Variants in THSD7A observed in about 807,000 individuals in gnomAD.
THSD7A encodes the protein thrombospondin type-1 domain-containing protein 7A.
A neutral mutation model predicts 231.3 loss-of-function variants in THSD7A; 96 were observed. The observed-to-expected ratio is 0.41, with a 90% CI of 0.35 to 0.49. The LOEUF is 0.49. THSD7A is among the 20% of genes least tolerant of loss of function. The pLI is 0.05. For missense variants in THSD7A, 2,290 were observed against 2,070.2 expected (o/e 1.11, Z -2.06); for synonymous variants, 940 against 743.3 (o/e 1.26, Z -4.30).
intron 2 of THSD7A, among the ~76,000 whole-genome samples, chr7:11,602,013 A>T (rs889396217): frequency 1.3e-5 from 2 of 152,140 alleles, no homozygotes; most frequent in African/African-American, 4.8e-5. Context: ...TGTTAGAGCA[A>T]CTGCTTTTTT....
chr7:11,497,241 T>G (rs1372378158), intron 6 of THSD7A, among the ~76,000 whole-genome samples: 1 of 152,168 alleles, frequency 6.6e-6, no homozygotes, highest in Admixed American at 6.5e-5. Context: ...ACTGCCCCCA[T>G]GATTCAATTA....
At chr7:11,523,132 T>C (rs1788334589) in intron 6 of THSD7A, among the ~76,000 whole-genome samples, 1 of 152,144 alleles carries the variant, frequency 6.6e-6, no homozygotes, top group South Asian at 2.1e-4. Flanking sequence ...TTCAGTTCTA[T>C]ATTGCTTTTG....
chr7:11,379,199 C>G lies in THSD7A; in HGVS notation c.4672G>C (p.Val1558Leu). 1 of 1,613,506 alleles carries G rather than the reference C, an allele frequency of 6.2e-7. No homozygotes were observed. Among genetic ancestry groups the G allele is most frequent in the Non-Finnish European group, 8.5e-7 (1 of 1,179,572 alleles). Residue 1558 changes from valine (V) to leucine (L), a missense_variant, in exon 26 of 28, where the codon GTG (valine) becomes CTG (leucine). By Grantham distance (32) the Val-to-Leu change is conservative. Coordinates refer to ENST00000423059, the MANE Select transcript of THSD7A (RefSeq NM_015204.3). The stretch of plus-strand genomic sequence containing the variant: ...TCCTCCATGGTGGGTAATACCACCA[C>G]GGGGATAAGTGTGCATTGCTCAAGG... ...STLEQCTLIPVVVLPTMEDKR... is the reference protein window; with the variant it reads ...STLEQCTLIPLVVLPTMEDKR...
rs948567813 is a variant in THSD7A at position 11,541,474 on chromosome 7, T to C, written c.1767A>G (p.Gly589=). Residue 589 remains glycine (G), a synonymous_variant, in exon 6 of 28, where the codon GGA becomes GGG. Transcript: ENST00000423059. Reference sequence around the variant, plus strand: ...CTTGCGTGCCTGGACCACACTCCTTTCCGTTATCTGGCTCGCAGTTTCCCA... The same window carrying C: ...CTTGCGTGCCTGGACCACACTCCTTCCCGTTATCTGGCTCGCAGTTTCCCA... ...VRLGNCEPDN[G]KECGPGTQVQ... 2 of 1,613,848 alleles carry C rather than the reference T, an allele frequency of 1.2e-6. No individual in the cohort carries two copies. Among genetic ancestry groups the C allele is most frequent in the Admixed American group, 3.3e-5 (2 of 59,980 alleles).
At chr7:11,648,425 T>C (rs563305767) in intron 1 of THSD7A, among the ~76,000 whole-genome samples, 4 of 152,210 alleles carry the variant, frequency 2.6e-5, no homozygotes, top group African/African-American at 9.6e-5. Context: ...AATGTGTTTA[T>C]GTAATTTACT....
intron 4 of THSD7A, among the ~76,000 whole-genome samples, chr7:11,554,260 T>C (rs759351528): frequency 1.3e-5 from 2 of 151,954 alleles, no homozygotes; most frequent in South Asian, 2.1e-4. Flanking sequence ...CTAAATCCAA[T>C]GGGTGGTGTC....
intron 1 of THSD7A, among the ~76,000 whole-genome samples, chr7:11,828,405 C>A (rs1412337150): frequency 1.3e-5 from 2 of 152,162 alleles, no homozygotes; most frequent in African/African-American, 2.4e-5. Context: ...TCCACCTCAT[C>A]CTTCAAGACC....
intron 6 of THSD7A, among the ~76,000 whole-genome samples, chr7:11,537,523 C>T (rs1458088253): frequency 6.6e-6 from 1 of 152,082 alleles, no homozygotes; most frequent in Non-Finnish European, 1.5e-5. Flanking sequence ...TCTGTTGCTC[C>T]ACTCTGTCAT....
At chr7:11,578,792 T>G (rs912838136) in intron 4 of THSD7A, among the ~76,000 whole-genome samples, 1 of 152,164 alleles carries the variant, frequency 6.6e-6, no homozygotes, top group South Asian at 2.1e-4. Context: ...GAAAAGGAAC[T>G]GAAATAGCAC....
At chr7:11,436,213 G>C (rs1784627397) in intron 13 of THSD7A, among the ~76,000 whole-genome samples, 1 of 151,988 alleles carries the variant, frequency 6.6e-6, no homozygotes, top group African/African-American at 2.4e-5. Flanking sequence ...TTGATGGAGT[G>C]TTCAAATTGT....
At chr7:11,470,074 T>C (rs1299740722) in intron 8 of THSD7A, 80 bp from the exon 9 acceptor site, 1 of 1,014,684 alleles carries the variant, frequency 9.9e-7, no homozygotes, top group Non-Finnish European at 1.5e-6. Flanking sequence ...GAATTTTCAC[T>C]GGTAAAATTG....
At chr7:11,424,376 A>G (rs1316301999) in intron 16 of THSD7A, among the ~76,000 whole-genome samples, 1 of 152,206 alleles carries the variant, frequency 6.6e-6, no homozygotes, top group East Asian at 1.9e-4. Context: ...TATTTTAGAA[A>G]GGAACTTGGA....
intron 1 of THSD7A, among the ~76,000 whole-genome samples, chr7:11,813,924 A>G (rs1784605468): frequency 6.6e-6 from 1 of 152,126 alleles, no homozygotes; most frequent in Non-Finnish European, 1.5e-5. Flanking sequence ...GGTAGGAACA[A>G]CCCAAATGTC....
At chr7:11,395,144 C>CAAA (rs56112219) in intron 23 of THSD7A, among the ~76,000 whole-genome samples, 1 of 124,944 alleles carries the variant, frequency 8.0e-6, no homozygotes, top group African/African-American at 2.7e-5. Flanking sequence ...AAATGGAAAG[C>CAAA]AAAAAAAAAA....
At chr7:11,466,720 A>G (rs879429068) in intron 9 of THSD7A, among the ~76,000 whole-genome samples, 2 of 152,030 alleles carry the variant, frequency 1.3e-5, no homozygotes, top group Non-Finnish European at 2.9e-5. Flanking sequence ...TCAGGGAAAC[A>G]CTGCTCTGCC....
chr7:11,811,682 C>G (rs1386351130), intron 1 of THSD7A, among the ~76,000 whole-genome samples: 1 of 152,142 alleles, frequency 6.6e-6, no homozygotes, highest in African/African-American at 2.4e-5. Context: ...TATACTAGTT[C>G]TTTTACCTGC....
chr7:11,579,526 G>A (rs1366398935), intron 4 of THSD7A, among the ~76,000 whole-genome samples: 1 of 152,190 alleles, frequency 6.6e-6, no homozygotes, highest in African/African-American at 2.4e-5. Flanking sequence ...TGTCAGGTTA[G>A]ATGACATTTT....
In THSD7A at chr7:11,420,722, C is replaced by G. The variant is rs142594293; in HGVS notation, c.3384-3119G>C. Among the ~76,000 whole-genome samples, 21 of 152,316 alleles carry G rather than the reference C, an allele frequency of 1.4e-4. No individual in the cohort carries two copies. In the East Asian group the frequency reaches 3.7e-3, roughly 27 times the overall value. ...TCCACTGACAGCTTGCACTGTGCACCTGGAAAAGCTATAGACACTCAATGC... is the reference window on the plus strand; with the variant it reads ...TCCACTGACAGCTTGCACTGTGCACGTGGAAAAGCTATAGACACTCAATGC... On this transcript the variant is annotated intron_variant, in intron 16 of 27. Transcript: ENST00000423059.
chr7:11,748,016 G>A (rs911643839), intron 1 of THSD7A, among the ~76,000 whole-genome samples: 2 of 151,910 alleles, frequency 1.3e-5, no homozygotes, highest in East Asian at 1.9e-4. Context: ...TTTATGCCAC[G>A]TTGATGAATT....
Sources: allele counts gnomAD v4.1 joint callset (sites outside exome capture counted in the v4.1 genomes callset), GRCh38; gene constraint gnomAD v4.1.1; transcripts MANE v1.5; gene names NCBI Gene and HGNC (gene_info 2026-07-23, HGNC 2026-07-21).